The following ZZEF1 variants were observed in gnomAD, a reference collection of about 807,000 sequenced individuals.
ZZEF1 encodes the protein zinc finger ZZ-type and EF-hand domain-containing protein 1.
Under a neutral mutation model 342.8 loss-of-function variants are expected in ZZEF1, and 157 were observed. The ratio of observed to expected loss-of-function variants is 0.46; its 90% CI spans 0.40 to 0.52. ZZEF1 has a LOEUF of 0.52. Among genes scored for constraint, ZZEF1 ranks in the 20% least tolerant of loss-of-function variants. ZZEF1 has a pLI of 0.00. For synonymous variants in ZZEF1, 1,505 were observed against 1,429.1 expected, an observed-to-expected ratio of 1.05 and a Z score of -1.20; for missense variants, 3,480 against 3,725.6, an observed-to-expected ratio of 0.93 and a Z score of 1.72.
intron 2 of ZZEF1, among the ~76,000 whole-genome samples, chr17:4,119,533 G>A (rs142291669): frequency 1.6e-3 from 248 of 152,228 alleles, no homozygotes; most frequent in Non-Finnish European, 3.1e-3. Flanking sequence ...TATCCACTGC[G>A]TCCCGTTCTT....
chr17:4,045,988 C>T (rs546683137), intron 37 of ZZEF1, among the ~76,000 whole-genome samples: 1 of 152,064 alleles, frequency 6.6e-6, no homozygotes, highest in Non-Finnish European at 1.5e-5. Flanking sequence ...CCACCACACC[C>T]AGCTAATTTT....
At chr17:4,027,594 C>CT (rs35210596) in intron 42 of ZZEF1, among the ~76,000 whole-genome samples, 33,224 of 119,646 alleles carry the variant, frequency 0.28, 6,239 homozygotes, top group African/African-American at 0.53. Flanking sequence ...TGTGCCCTGC[C>CT]TTTTTTTTTT....
At chr17:4,090,690 G>T (rs138213742) in intron 12 of ZZEF1, 29 bp downstream of exon 12, 40 of 1,544,878 alleles carry the variant, frequency 2.6e-5, no homozygotes, top group Middle Eastern at 1.7e-4. Flanking sequence ...AAAAGGAGGG[G>T]AGTGGGCAAA....
In ZZEF1 at chr17:4,024,981, C is replaced by T. The variant is rs201354973; in HGVS notation, c.7030G>A (p.Glu2344Lys). The change falls in exon 43 of 55, where the codon GAG becomes AAG. Residue 2344 changes from glutamate to lysine, a missense_variant. Coordinates refer to ENST00000381638, the MANE Select transcript of ZZEF1 (RefSeq NM_015113.4). ...LQSSMDSHCP[E>K]AVEATWVLSL... Reference sequence around the variant, plus strand: ...AGGACCCAAGTTGCTTCTACTGCCTCGGGACAATGGCTGTCCATGCTGCTT... The same window carrying T: ...AGGACCCAAGTTGCTTCTACTGCCTTGGGACAATGGCTGTCCATGCTGCTT... 9.3e-6 allele frequency: 15 copies of T among 1,614,060 alleles called. No homozygotes were observed. The East Asian group carries it at 1.3e-4, about 14-fold the overall frequency.
chr17:4,067,337 G>T, intron 26 of ZZEF1, 95 bp from the exon 27 acceptor site: 1 of 938,862 alleles, frequency 1.1e-6, no homozygotes, highest in Non-Finnish European at 1.6e-6. Context: ...TGAAGTACAG[G>T]AAAAGTCCTC....
intron 1 of ZZEF1, among the ~76,000 whole-genome samples, chr17:4,136,320 G>T (rs951209223): frequency 7.1e-6 from 1 of 140,778 alleles, no homozygotes; most frequent in East Asian, 2.2e-4. Flanking sequence ...TTCCAGCCTG[G>T]GCGACAGAGT....
In ZZEF1 at chr17:4,087,490, G is replaced by C; in HGVS notation, c.2286C>G (p.Asp762Glu). 6.2e-7 allele frequency: 1 copy of C among 1,611,154 alleles called. No individual in the cohort carries two copies. The highest frequency in any genetic ancestry group is 8.5e-7 in the Non-Finnish European group (1 of 1,179,338). Residue 762 changes from aspartate to glutamate, a missense_variant, in exon 14 of 55, where the codon GAC becomes GAG. Asp to Glu is a conservative substitution (Grantham distance 45). Around this residue, in one of 5 missense-constraint regions of ZZEF1, gnomAD observed 1,528 missense variants for 1,624.1 expected, o/e 0.94. Coordinates refer to ENST00000381638, the MANE Select transcript of ZZEF1 (RefSeq NM_015113.4). Reference sequence around the variant, plus strand: ...AGATCTGCAAATCAAGACCCGCGAAGTCCAGAAAAGATTTATATTTTAAGC... The same window carrying C: ...AGATCTGCAAATCAAGACCCGCGAACTCCAGAAAAGATTTATATTTTAAGC... The part of the protein sequence containing the change: ...ESGLKYKSFL[D>E]FAGLDLQIFW...
At chr17:4,012,158 G>C (rs2055978741) in intron 52 of ZZEF1, among the ~76,000 whole-genome samples, 1 of 152,228 alleles carries the variant, frequency 6.6e-6, no homozygotes, top group Non-Finnish European at 1.5e-5. Flanking sequence ...AGACCATGGA[G>C]ATGTTCCATG....
chr17:4,017,937 TCC>T lies in ZZEF1; in HGVS notation c.7538_7539del (p.Arg2513AsnfsTer12). On this transcript the variant is annotated frameshift_variant, in exon 47 of 55. Transcript: ENST00000381638. LOFTEE classifies it high-confidence loss of function. The surrounding 1 kb of genome is among the most constrained non-coding windows in gnomAD (Gnocchi z 5.1). ...TGCCACCGCTGAGCCAGGGACCGTATCCTTTCATCTGTGGTGAGCTCATCACC... is the reference window on the plus strand; with the variant it reads ...TGCCACCGCTGAGCCAGGGACCGTATTTTCATCTGTGGTGAGCTCATCACC... Reference protein sequence around the residue: ...FDGDELTTDERIRSLAQRWQP... With the variant: ...FDGDELTTDEXIRSLAQRWQP... The T allele has an allele frequency of 6.2e-7, 1 of 1,614,010 alleles. No homozygotes were observed. The highest frequency in any genetic ancestry group is 8.5e-7 in the Non-Finnish European group (1 of 1,180,032).
At chr17:4,035,463 G>A (rs1254422849) in intron 39 of ZZEF1, among the ~76,000 whole-genome samples, 1 of 152,200 alleles carries the variant, frequency 6.6e-6, no homozygotes, top group African/African-American at 2.4e-5. Context: ...GCCACATGGT[G>A]TCAGAACCCA....
At position 4,087,576 on chromosome 17, in the gene ZZEF1, G is replaced by T. The variant is rs374345930; in HGVS notation, c.2242-42C>A. 2.0e-6 allele frequency: 3 copies of T among 1,535,864 alleles called. No homozygotes were observed. The South Asian group carries it at 3.6e-5, about 19-fold the overall frequency. On this transcript the variant is annotated intron_variant, in intron 13 of 54. Coordinates refer to ENST00000381638, the MANE Select transcript of ZZEF1 (RefSeq NM_015113.4). ...ATCAGAATAAATAAAACTGAAAAAT[G>T]CATTTAGAGAAATACTGTAATGCCT... is the stretch of plus-strand genomic sequence containing the variant.
At chr17:4,068,581 C>A (rs2057448524) in intron 26 of ZZEF1, among the ~76,000 whole-genome samples, 1 of 152,188 alleles carries the variant, frequency 6.6e-6, no homozygotes, top group South Asian at 2.1e-4. Flanking sequence ...AGCCACTGCA[C>A]CCAGCCTAAC....
chr17:4,115,545 C>T (rs1389339353), intron 3 of ZZEF1, among the ~76,000 whole-genome samples: 5 of 152,072 alleles, frequency 3.3e-5, no homozygotes, highest in Admixed American at 2.0e-4. Context: ...TGCCTGTAAT[C>T]CCAGTTACTC....
In ZZEF1 at chr17:4,077,987, G is replaced by C; in HGVS notation, c.2885C>G (p.Ser962Cys). 1 of 1,614,138 alleles carries C rather than the reference G, an allele frequency of 6.2e-7. No individual in the cohort carries two copies. The highest frequency in any genetic ancestry group is 8.5e-7 in the Non-Finnish European group (1 of 1,180,030). ...GCTGCCTTGGACGGACCAGAACAGGGAGAAGAGCACAGAGCCCACCTCCCC... is the reference window on the plus strand; with the variant it reads ...GCTGCCTTGGACGGACCAGAACAGGCAGAAGAGCACAGAGCCCACCTCCCC... ...APGEVGSVLF[S>C]LFWSVQGSLL... Residue 962 changes from serine (S) to cysteine (C), a missense_variant, in exon 19 of 55, where the codon TCC becomes TGC. By Grantham distance (112) the Ser-to-Cys change is moderately radical (BLOSUM62 -1). This residue lies in a region of ZZEF1 where 1,528 missense variants were observed against 1,624.1 expected (regional missense o/e 0.94). Coordinates refer to ENST00000381638, the MANE Select transcript of ZZEF1 (RefSeq NM_015113.4).
rs2057417812 is a variant in ZZEF1 at position 4,067,221 on chromosome 17, G to A, written c.4097C>T (p.Ala1366Val). The change falls in exon 27 of 55, where the codon GCC becomes GTC. Residue 1366 changes from alanine to valine, a missense_variant. By Grantham distance (64) the Ala-to-Val change is moderately conservative. Transcript: ENST00000381638. ...QKYVNSGGKIALSEEFAQVYS... is the reference protein window; with the variant it reads ...QKYVNSGGKIVLSEEFAQVYS... ...AACCTGGGCAAACTCTTCACTCAGG[G>A]CTATTTTGCCCCCACTGTTGACTGG... 8 of 1,613,036 alleles carry A rather than the reference G, an allele frequency of 5.0e-6. No individual in the cohort carries two copies. The highest frequency in any genetic ancestry group is 6.8e-6 in the Non-Finnish European group (8 of 1,179,644).
At chr17:4,098,352 C>T (rs908992412) in intron 9 of ZZEF1, among the ~76,000 whole-genome samples, 2 of 151,872 alleles carry the variant, frequency 1.3e-5, no homozygotes, top group Non-Finnish European at 2.9e-5. Context: ...GTGGAGGTTG[C>T]AGTGAGCTAT....
rs1000895858 is a variant in ZZEF1, at chr17:4,059,159, G to T, written c.5003+12C>A. 5.8e-6 allele frequency: 9 copies of T among 1,554,306 alleles called. No homozygotes were observed. The highest frequency in any genetic ancestry group is 1.4e-5 in the African/African-American group (1 of 71,152). On this transcript the variant is annotated intron_variant, in intron 31 of 54. Transcript: ENST00000381638. ...ATTTTTTTTCTCTAGAAATGATAAAGTTATCCAGTACCTGTCATTTAGGCT... is the reference window on the plus strand; with the variant it reads ...ATTTTTTTTCTCTAGAAATGATAAATTTATCCAGTACCTGTCATTTAGGCT...
chr17:4,086,602 C>T lies in ZZEF1; in HGVS notation c.2396G>A (p.Ser799Asn), dbSNP rs769762781. Residue 799 changes from serine to asparagine, a missense_variant, in exon 15 of 55, where the codon AGC becomes AAC. Physicochemically the swap from Ser to Asn is conservative, Grantham distance 46. Around this residue, in one of 5 missense-constraint regions of ZZEF1, gnomAD observed 1,528 missense variants for 1,624.1 expected, o/e 0.94. Transcript: ENST00000381638. The stretch of plus-strand genomic sequence containing the variant: ...ATCTCCCTGCAGCACAGAGAAGCAG[C>T]TCTGGAGTAGCTGCAGAAGCAGGGT... ...AQTLLLQLLQSCFSVLQGDVL... is the reference protein window; with the variant it reads ...AQTLLLQLLQNCFSVLQGDVL... 1.2e-6 allele frequency: 2 copies of T among 1,614,178 alleles called. No individual in the cohort carries two copies. The highest frequency in any genetic ancestry group is 4.5e-5 in the East Asian group (2 of 44,884).
intron 2 of ZZEF1, among the ~76,000 whole-genome samples, chr17:4,118,398 G>T (rs4790562): frequency 4.6e-5 from 7 of 151,896 alleles, no homozygotes; most frequent in African/African-American, 7.3e-5. Flanking sequence ...AAAGATAGTA[G>T]GGCCTTGCTC....
Sources: allele counts gnomAD v4.1 joint callset (sites outside exome capture counted in the v4.1 genomes callset), GRCh38; gene constraint gnomAD v4.1.1; regional missense constraint gnomAD v4.1.1; non-coding constraint Gnocchi (gnomAD v3.1); transcripts MANE v1.5; gene names NCBI Gene and HGNC (gene_info 2026-07-23, HGNC 2026-07-21).